The following TULP4 variants were observed in gnomAD, a reference collection of about 807,000 sequenced individuals.
TULP4 encodes tubby-related protein 4.
TULP4 carries 16 observed loss-of-function variants against 129.0 expected under a neutral mutation model. The observed-to-expected ratio is 0.12, with a 90% CI of 0.08 to 0.19. The LOEUF (loss-of-function observed/expected upper bound fraction) is 0.19, where lower values mean the gene tolerates loss of function less well. TULP4 is among the 10% of genes least tolerant of loss of function. The probability of loss-of-function intolerance (pLI) is 1.00; values close to 1 mark genes in which losing one functional copy is unlikely to be tolerated. For synonymous variants in TULP4, 998 were observed against 854.0 expected (o/e 1.17, Z -2.94); for missense variants, 1,842 against 2,059.1 (o/e 0.89, Z 2.04).
In TULP4 at chr6:158,502,378, C is replaced by T. The variant is rs778918038; in HGVS notation, c.2715C>T (p.Thr905=). ...TGGAGGAGGTGTGCCGGCCCCGCAC[C>T]CGGATGCTGTGCTCCCAGAACACGT... ...GNVEEVCRPR[T]RMLCSQNTYT... Residue 905 remains threonine (T), a synonymous_variant, in exon 13 of 14, where the codon ACC becomes ACT. Transcript: ENST00000367097. The T allele has an allele frequency of 6.2e-7, 1 of 1,613,848 alleles. No individual in the cohort carries two copies. Among genetic ancestry groups the T allele is most frequent in the Non-Finnish European group, 8.5e-7 (1 of 1,179,972 alleles).
chr6:158,451,995 A>G, intron 4 of TULP4, 139 bp from the exon 5 acceptor site: 1 of 1,300,300 alleles, frequency 7.7e-7, no homozygotes, highest in Non-Finnish European at 1.1e-6. Flanking sequence ...AGAATGTTTC[A>G]TTCAGGTAGC....
At chr6:158,308,530 C>T (rs1370483331), upstream of TULP4, among the ~76,000 whole-genome samples, 8 of 151,934 alleles carry the variant, frequency 5.3e-5, no homozygotes, top group South Asian at 8.3e-4. Context: ...ACCTCCCAGA[C>T]GGGGTGGCGG....
chr6:158,380,910 A>AAAAAAAAAAAAG (rs779845034), intron 1 of TULP4, among the ~76,000 whole-genome samples: 6 of 135,042 alleles, frequency 4.4e-5, no homozygotes, highest in Non-Finnish European at 8.1e-5. Flanking sequence ...AAAAAAAAAA[A>AAAAAAAAAAAAG]AAGAAGAAGA....
chr6:158,259,302 C>T (rs1284909366), intron 1 of TULP4, among the ~76,000 whole-genome samples: 2 of 152,106 alleles, frequency 1.3e-5, no homozygotes, highest in African/African-American at 4.8e-5. Context: ...ATCTGTCCTC[C>T]CTTGCTGTCA....
At chr6:158,471,188 A>G (rs1487079544) in intron 6 of TULP4, among the ~76,000 whole-genome samples, 2 of 148,026 alleles carry the variant, frequency 1.4e-5, no homozygotes, top group South Asian at 2.2e-4. Context: ...CACACACACT[A>G]CAGGACAATG....
intron 3 of TULP4, among the ~76,000 whole-genome samples, chr6:158,447,552 A>G (rs919469727): frequency 3.9e-5 from 6 of 152,172 alleles, no homozygotes; most frequent in Admixed American, 3.9e-4. Context: ...ATATCCTAAA[A>G]TTGCCTTTTG....
At chr6:158,284,962 G>A (rs1358213175) in intron 1 of TULP4, among the ~76,000 whole-genome samples, 1 of 152,122 alleles carries the variant, frequency 6.6e-6, no homozygotes, top group East Asian at 1.9e-4. Context: ...TTCTTCCTTT[G>A]TCTTCGTCTT....
intron 11 of TULP4, among the ~76,000 whole-genome samples, chr6:158,495,851 A>G (rs1310531166): frequency 1.3e-5 from 2 of 152,114 alleles, no homozygotes; most frequent in Non-Finnish European, 2.9e-5. Flanking sequence ...AAGAAAAAAA[A>G]AAAAAGATTA....
intron 1 of TULP4, among the ~76,000 whole-genome samples, chr6:158,359,379 A>G (rs1780715583): frequency 6.6e-6 from 1 of 152,118 alleles, no homozygotes; most frequent in African/African-American, 2.4e-5. Flanking sequence ...GTTAAAGGAG[A>G]GTTTATTAAG....
intron 1 of TULP4, among the ~76,000 whole-genome samples, chr6:158,393,760 A>C (rs1777644441): frequency 6.6e-6 from 1 of 152,068 alleles, no homozygotes; most frequent in East Asian, 1.9e-4. Context: ...CCACTAATTC[A>C]TTTTTTCTTC....
At chr6:158,506,429 C>G (rs1562597309) in intron 13 of TULP4, 149 bp from the exon 14 acceptor site, 1 of 651,336 alleles carries the variant, frequency 1.5e-6, no homozygotes. Flanking sequence ...GACGGGGTTT[C>G]ACCGTGTTAG....
At chr6:158,301,869 C>T (rs1436464705) in intron 1 of TULP4, among the ~76,000 whole-genome samples, 1 of 71,644 alleles carries the variant, frequency 1.4e-5, no homozygotes, top group Non-Finnish European at 2.8e-5. Flanking sequence ...TGTTGAAATG[C>T]CTAAAGTAGG....
Position 158,501,811 on chromosome 6 carries a change from T to C in TULP4, c.2148T>C (p.Asn716=), listed in dbSNP as rs1780451653. 1 of 1,613,886 alleles carries C rather than the reference T, an allele frequency of 6.2e-7. No individual in the cohort carries two copies. The highest frequency in any genetic ancestry group is 1.3e-5 in the African/African-American group (1 of 74,858). The change falls in exon 13 of 14, where the codon AAT becomes AAC. Residue 716 remains asparagine (N), a synonymous_variant. Coordinates refer to ENST00000367097, the MANE Select transcript of TULP4 (RefSeq NM_020245.5). ...GGCTGGTGCAGTCCCTACTGGCCAATCAGAATGTGCAGCTAGATGTCCTGA... is the reference window on the plus strand; with the variant it reads ...GGCTGGTGCAGTCCCTACTGGCCAACCAGAATGTGCAGCTAGATGTCCTGA... ...SIGLVQSLLA[N]QNVQLDVLTN... is the part of the protein sequence containing the mutation.
intron 1 of TULP4, among the ~76,000 whole-genome samples, chr6:158,375,421 A>T (rs1245095762): frequency 6.6e-6 from 1 of 152,198 alleles, no homozygotes; most frequent in African/African-American, 2.4e-5. Flanking sequence ...TCTTTCCCTC[A>T]GTGATGGAGT....
chr6:158,320,639 C>T (rs1779604243), intron 1 of TULP4, among the ~76,000 whole-genome samples: 1 of 152,104 alleles, frequency 6.6e-6, no homozygotes. Context: ...GCCATGTTGA[C>T]CAGGCTGGTC....
At chr6:158,275,606 A>G (rs1454182221) in intron 1 of TULP4, among the ~76,000 whole-genome samples, 1 of 152,036 alleles carries the variant, frequency 6.6e-6, no homozygotes, top group East Asian at 1.9e-4. Flanking sequence ...ATTCCTTTGA[A>G]CCCACCTTGA....
At chr6:158,450,032 C>T (rs1267705005) in intron 4 of TULP4, among the ~76,000 whole-genome samples, 3 of 152,118 alleles carry the variant, frequency 2.0e-5, no homozygotes, top group Admixed American at 6.5e-5. Context: ...GTTCAATATC[C>T]TCGTTCTAGG....
intron 1 of TULP4, among the ~76,000 whole-genome samples, chr6:158,294,366 A>T (rs1778994065): frequency 1.3e-5 from 2 of 151,972 alleles, no homozygotes; most frequent in South Asian, 4.2e-4. Context: ...CCATCTCAAA[A>T]AAAAAAATAA....
At chr6:158,308,862 G>A (rs1442044912), upstream of TULP4, among the ~76,000 whole-genome samples, 6 of 139,146 alleles carry the variant, frequency 4.3e-5, no homozygotes, top group African/African-American at 8.1e-5. Context: ...CCTCCCGGAC[G>A]GGGCGGCTGG....
Sources: gnomAD v4.1 joint callset for allele counts (sites outside exome capture counted in the v4.1 genomes callset) on GRCh38, gnomAD v4.1.1 for gene constraint, MANE v1.5 for transcripts, NCBI Gene and HGNC (gene_info 2026-07-23, HGNC 2026-07-21) for gene names.